The following TESK2 variants were observed in gnomAD, a reference collection of about 807,000 sequenced individuals.
The protein encoded by TESK2 is testis associated actin remodelling kinase 2.
A neutral mutation model predicts 57.1 loss-of-function variants in TESK2; 39 were observed. That is an observed-to-expected ratio of 0.68 (90% CI 0.53 to 0.89). TESK2 has a LOEUF of 0.89. Among genes scored for constraint, TESK2 ranks in the 40% least tolerant of loss-of-function variants. The pLI, the probability that TESK2 is intolerant of heterozygous loss-of-function variation, is 0.00. For missense variants in TESK2, 646 were observed against 732.1 expected (o/e 0.88, Z 1.36); for synonymous variants, 249 against 267.9 (o/e 0.93, Z 0.69).
chr1:45,488,765 C>T (rs1325444079), intron 1 of TESK2, among the ~76,000 whole-genome samples: 2 of 152,188 alleles, frequency 1.3e-5, no homozygotes, highest in South Asian at 2.1e-4. Flanking sequence ...CTCATTTCTC[C>T]TCATTTATTC....
intron 3 of TESK2, among the ~76,000 whole-genome samples, chr1:45,393,012 A>T (rs1570683060): frequency 6.6e-6 from 1 of 152,368 alleles, no homozygotes; most frequent in East Asian, 1.9e-4. Context: ...ATTAGAGGCA[A>T]GTACAAGGCA....
At chr1:45,480,666 AAAT>A (rs892663161) in intron 1 of TESK2, among the ~76,000 whole-genome samples, 29 of 151,300 alleles carry the variant, frequency 1.9e-4, no homozygotes, top group Non-Finnish European at 3.2e-4. Context: ...ATTAAAAAGA[AAAT>A]AATAATAATA....
chr1:45,438,135 A>G (rs1651304150), intron 2 of TESK2, among the ~76,000 whole-genome samples: 1 of 152,220 alleles, frequency 6.6e-6, no homozygotes, highest in African/African-American at 2.4e-5. Context: ...CCATCTTAAC[A>G]AAAGTTACTT....
chr1:45,399,023 C>A (rs7532762), intron 3 of TESK2: 118,844 of 420,394 alleles, frequency 0.28, 18,536 homozygotes, highest in African/African-American at 0.49. Context: ...CTTTAAGCCA[C>A]TAGTTAGTCC....
intron 5 of TESK2, among the ~76,000 whole-genome samples, chr1:45,348,551 C>T (rs771508352): frequency 6.6e-6 from 1 of 152,240 alleles, no homozygotes; most frequent in East Asian, 1.9e-4. Flanking sequence ...TAGCCGCTGT[C>T]CCCCTGTTCC....
chr1:45,391,844 T>C (rs1649158768), intron 3 of TESK2, among the ~76,000 whole-genome samples: 1 of 152,210 alleles, frequency 6.6e-6, no homozygotes, highest in Non-Finnish European at 1.5e-5. Flanking sequence ...GTGGTCTGGA[T>C]CTAGAGTTAG....
At chr1:45,486,818 C>CAT (rs1553160313) in intron 1 of TESK2, among the ~76,000 whole-genome samples, 3 of 140,180 alleles carry the variant, frequency 2.1e-5, no homozygotes, top group Non-Finnish European at 3.1e-5. Context: ...CACACACACA[C>CAT]ATATATACAT....
At chr1:45,347,897 G>T in intron 6 of TESK2, 21 bp downstream of exon 6, 2 of 1,594,978 alleles carry the variant, frequency 1.3e-6, no homozygotes, top group Non-Finnish European at 1.7e-6. Flanking sequence ...TTGGACCCCA[G>T]CATCCAGTAG....
At chr1:45,422,777 G>GTTGTTGTTGTTGTTGTTGTTGTTT (rs1557567065) in intron 2 of TESK2, among the ~76,000 whole-genome samples, 2 of 151,390 alleles carry the variant, frequency 1.3e-5, no homozygotes, top group Non-Finnish European at 2.9e-5. Flanking sequence ...TGTTGTTGTT[G>GTTGTTGTTGTTGTTGTTGTTGTTT]TTTTTGTTTT....
At chr1:45,431,034 C>T (rs1650926918) in intron 2 of TESK2, among the ~76,000 whole-genome samples, 1 of 152,192 alleles carries the variant, frequency 6.6e-6, no homozygotes, top group African/African-American at 2.4e-5. Context: ...ATTTACTCAA[C>T]ACCAATTTTC....
intron 3 of TESK2, among the ~76,000 whole-genome samples, chr1:45,401,138 T>C (rs1649579490): frequency 6.6e-6 from 1 of 151,806 alleles, no homozygotes; most frequent in South Asian, 2.1e-4. Flanking sequence ...GGCTCACATC[T>C]GTAATCCCAG....
chr1:45,475,729 C>A (rs1414575003), intron 1 of TESK2, among the ~76,000 whole-genome samples: 2 of 152,004 alleles, frequency 1.3e-5, no homozygotes, highest in African/African-American at 4.8e-5. Context: ...CGAGGAAGAC[C>A]CACCCTCAAT....
chr1:45,395,643 G>A (rs752379460), intron 3 of TESK2, among the ~76,000 whole-genome samples: 12 of 143,562 alleles, frequency 8.4e-5, no homozygotes, highest in Non-Finnish European at 1.3e-4. Flanking sequence ...GTCCCACTCT[G>A]TCACCCAGGC....
At chr1:45,419,894 A>C (rs747941047) in intron 3 of TESK2, among the ~76,000 whole-genome samples, 29 of 152,328 alleles carry the variant, frequency 1.9e-4, no homozygotes, top group South Asian at 4.1e-4. Flanking sequence ...GTAGACTAGG[A>C]AGCCAATAAT....
At chr1:45,481,998 A>G (rs1276968911) in intron 1 of TESK2, among the ~76,000 whole-genome samples, 1 of 152,204 alleles carries the variant, frequency 6.6e-6, no homozygotes, top group African/African-American at 2.4e-5. Context: ...TTGCTGTTTC[A>G]GTGAGCAAGT....
chr1:45,407,716 T>C (rs1189798150), intron 3 of TESK2, among the ~76,000 whole-genome samples: 1 of 152,152 alleles, frequency 6.6e-6, no homozygotes, highest in East Asian at 1.9e-4. Context: ...TGCTTTTCCT[T>C]CATCTTTTGC....
chr1:45,381,208 G>A (rs1648636899), intron 4 of TESK2, among the ~76,000 whole-genome samples: 1 of 152,156 alleles, frequency 6.6e-6, no homozygotes, highest in Non-Finnish European at 1.5e-5. Context: ...CTCCAATGGG[G>A]CAGAAAACAC....
At chr1:45,404,669 G>A (rs565767789) in intron 3 of TESK2, among the ~76,000 whole-genome samples, 7 of 151,298 alleles carry the variant, frequency 4.6e-5, no homozygotes, top group South Asian at 2.1e-4. Context: ...TCAGCCTCCC[G>A]AGTAGCTGGG....
intron 2 of TESK2, among the ~76,000 whole-genome samples, chr1:45,424,718 C>T (rs997158424): frequency 5.3e-5 from 8 of 152,168 alleles, no homozygotes; most frequent in Middle Eastern, 3.2e-3. Flanking sequence ...ATCATTCATC[C>T]TGACCAACCG....
Sources: gnomAD v4.1 joint callset for allele counts (sites outside exome capture counted in the v4.1 genomes callset) on GRCh38, gnomAD v4.1.1 for gene constraint, MANE v1.5 for transcripts, NCBI Gene and HGNC (gene_info 2026-07-23, HGNC 2026-07-21) for gene names.